SHISA9: variants seen among roughly 807,000 people sequenced by gnomAD.
SHISA9 encodes protein shisa-9.
A neutral mutation model predicts 38.0 loss-of-function variants in SHISA9; 13 were observed. That is an observed-to-expected ratio of 0.34 (90% confidence interval 0.22 to 0.54). The LOEUF (loss-of-function observed/expected upper bound fraction) is 0.54. Among genes scored for constraint, SHISA9 ranks in the 20% least tolerant of loss-of-function variants. The pLI is 0.91. For synonymous variants in SHISA9, 275 were observed against 242.0 expected (o/e 1.14, Z -1.27); for missense variants, 538 against 575.8 (o/e 0.93, Z 0.67).
chr16:12,937,272 A>G (rs1314316639), intron 2 of SHISA9, among the ~76,000 whole-genome samples: 2 of 152,230 alleles, frequency 1.3e-5, no homozygotes, highest in Non-Finnish European at 2.9e-5. Context: ...CAATATGTAC[A>G]TGGTAGAAAA....
At chr16:13,222,817 C>T (rs1021940973) in intron 4 of SHISA9, among the ~76,000 whole-genome samples, 2 of 64,520 alleles carry the variant, frequency 3.1e-5, no homozygotes, top group East Asian at 1.5e-3. Context: ...TATATACATA[C>T]ACACACCACA....
At chr16:13,503,730 C>A in the SHISA9 span, among the ~76,000 whole-genome samples, 1 of 151,710 alleles carries the variant, frequency 6.6e-6, no homozygotes, top group South Asian at 2.1e-4. Flanking sequence ...ACCACAGATT[C>A]ATCCTAAATG....
chr16:13,080,406 A>G (rs1403180338), intron 2 of SHISA9, among the ~76,000 whole-genome samples: 1 of 152,158 alleles, frequency 6.6e-6, no homozygotes. Flanking sequence ...AAACACCACC[A>G]CTTGGTCAGC....
chr16:13,430,951 G>A, the SHISA9 span, among the ~76,000 whole-genome samples: 1 of 151,148 alleles, frequency 6.6e-6, no homozygotes, highest in African/African-American at 2.4e-5. Flanking sequence ...TGTATATTTT[G>A]AAAATGGAGG....
the SHISA9 span, among the ~76,000 whole-genome samples, chr16:13,420,273 A>AAAAAAAAT: frequency 6.8e-6 from 1 of 146,870 alleles, no homozygotes; most frequent in African/African-American, 2.5e-5. Context: ...AAAAAAAAAA[A>AAAAAAAAT]GGTTTTTTGC....
intron 2 of SHISA9, among the ~76,000 whole-genome samples, chr16:12,940,432 C>A (rs1322627915): frequency 1.4e-5 from 2 of 141,270 alleles, no homozygotes; most frequent in African/African-American, 5.2e-5. Flanking sequence ...CCATAAATGA[C>A]CCCCCATCTC....
At chr16:13,296,563 TA>T in the SHISA9 span, among the ~76,000 whole-genome samples, 510 of 146,066 alleles carry the variant, frequency 3.5e-3, 1 homozygote, top group African/African-American at 1.0e-2. Flanking sequence ...ACATGGGGCT[TA>T]AAAAAAAAAA....
chr16:13,133,895 C>T (rs967607695), intron 2 of SHISA9, among the ~76,000 whole-genome samples: 3 of 152,164 alleles, frequency 2.0e-5, no homozygotes, highest in Non-Finnish European at 4.4e-5. Flanking sequence ...TTATCATCGA[C>T]ATTGTTTCAA....
At chr16:13,244,995 A>G (rs888945925), downstream of SHISA9, among the ~76,000 whole-genome samples, 1 of 152,180 alleles carries the variant, frequency 6.6e-6, no homozygotes, top group Non-Finnish European at 1.5e-5. Context: ...AGCTCACTGC[A>G]TCTTTGACCT....
the SHISA9 span, among the ~76,000 whole-genome samples, chr16:13,549,566 ATAG>A: frequency 6.6e-6 from 1 of 152,200 alleles, no homozygotes; most frequent in Non-Finnish European, 1.5e-5. Context: ...AAAAACTCTA[ATAG>A]TAATAATTTT....
the SHISA9 span, among the ~76,000 whole-genome samples, chr16:13,413,241 A>T: frequency 2.6e-5 from 4 of 152,244 alleles, no homozygotes; most frequent in Non-Finnish European, 5.9e-5. Flanking sequence ...ATGATCAAAT[A>T]TCAGTGAATT....
downstream of SHISA9, among the ~76,000 whole-genome samples, chr16:13,242,825 G>A (rs1420884944): frequency 6.6e-6 from 1 of 152,152 alleles, no homozygotes. Flanking sequence ...GTTTGCTCCT[G>A]GATGACTGGG....
the SHISA9 span, among the ~76,000 whole-genome samples, chr16:13,395,542 A>G: frequency 0.24 from 36,803 of 152,218 alleles, 4,452 homozygotes; most frequent in South Asian, 0.28. Flanking sequence ...CAGGCTGGCA[A>G]TGGAACTTAA....
At chr16:12,906,233 TG>T (rs1385845902) in intron 1 of SHISA9, among the ~76,000 whole-genome samples, 1 of 152,224 alleles carries the variant, frequency 6.6e-6, no homozygotes, top group Non-Finnish European at 1.5e-5. Flanking sequence ...GGACCCTGAA[TG>T]GGGGTTTGTT....
the SHISA9 span, among the ~76,000 whole-genome samples, chr16:13,434,708 G>C: frequency 6.6e-6 from 1 of 152,082 alleles, no homozygotes; most frequent in Non-Finnish European, 1.5e-5. Context: ...ATGAGCCACC[G>C]TGCCAGGCCT....
the SHISA9 span, among the ~76,000 whole-genome samples, chr16:13,522,942 G>A: frequency 6.6e-6 from 1 of 152,196 alleles, no homozygotes; most frequent in Non-Finnish European, 1.5e-5. Context: ...TTATGGTTAA[G>A]CAACATGGAG....
At chr16:13,059,706 T>C (rs1567198127) in intron 2 of SHISA9, among the ~76,000 whole-genome samples, 1 of 152,250 alleles carries the variant, frequency 6.6e-6, no homozygotes, top group East Asian at 1.9e-4. Flanking sequence ...GCAAATAATA[T>C]CACATTCCGA....
the SHISA9 span, among the ~76,000 whole-genome samples, chr16:13,427,342 T>C: frequency 1.7e-4 from 26 of 152,360 alleles, no homozygotes; most frequent in East Asian, 2.5e-3. Context: ...AGATGAATGG[T>C]TGAGGCAAGA....
chr16:13,365,603 C>T, the SHISA9 span, among the ~76,000 whole-genome samples: 5 of 151,980 alleles, frequency 3.3e-5, no homozygotes, highest in East Asian at 3.9e-4. Flanking sequence ...ATTACAGGCA[C>T]GTACCACCAC....
Sources: gnomAD v4.1 joint callset for allele counts (sites outside exome capture counted in the v4.1 genomes callset) on GRCh38, gnomAD v4.1.1 for gene constraint, MANE v1.5 for transcripts, NCBI Gene and HGNC (gene_info 2026-07-23, HGNC 2026-07-21) for gene names.